Variants in NBPF10 observed in about 807,000 individuals in gnomAD.
NBPF10 encodes NBPF member 10.
NBPF10 carries 63 observed loss-of-function variants against 77.9 expected under a neutral mutation model. The observed-to-expected ratio is 0.81, with a 90% CI of 0.66 to 1.00. NBPF10 has a LOEUF of 1.00. Among genes scored for constraint, NBPF10 ranks in the 50% least tolerant of loss-of-function variants. The pLI is 0.00. For synonymous variants in NBPF10, 146 were observed against 264.5 expected (o/e 0.55, Z 4.35); for missense variants, 522 against 679.8 (o/e 0.77, Z 2.58).
intron 8 of NBPF10, 140 bp downstream of exon 8, chr1:146,135,167 A>G (rs377156096): frequency 4.3e-6 from 2 of 465,460 alleles, no homozygotes; most frequent in East Asian, 3.4e-5. Flanking sequence ...TTCTTACCCA[A>G]GAAGTCCTGG....
chr1:146,067,794 T>G lies in NBPF10; in HGVS notation c.11035+209A>C, dbSNP rs1482749611. 3.9e-5 allele frequency among the ~76,000 whole-genome samples: 6 copies of G among 151,930 alleles called. No homozygotes were observed. In the East Asian group the frequency reaches 1.2e-3, roughly 30 times the overall value. On this transcript the variant is annotated intron_variant, in intron 88 of 89. Transcript: ENST00000583866. Reference sequence around the variant, plus strand: ...GGATCAGGGCGCCACAGGTATGGCCTGAGACTAGGAAGAGAGTCTTGCTCA... The same window carrying G: ...GGATCAGGGCGCCACAGGTATGGCCGGAGACTAGGAAGAGAGTCTTGCTCA...
At chr1:146,080,997 A>C (rs1442253596) in intron 71 of NBPF10, among the ~76,000 whole-genome samples, 1 of 79,878 alleles carries the variant, frequency 1.3e-5, no homozygotes, top group Non-Finnish European at 3.4e-5. Flanking sequence ...ACACACACAC[A>C]CACACACACA....
Position 146,123,914 on chromosome 1 carries a change from A to G in NBPF10, c.2303+13T>C. 1 of 299,474 alleles carries G rather than the reference A, an allele frequency of 3.3e-6. No homozygotes were observed. The highest frequency in any genetic ancestry group is 2.3e-5 in the South Asian group (1 of 43,266). The allele number at this position is 299,474 out of a possible 1,614,324, so 18.6% of individuals were successfully genotyped here. A position where few individuals can be genotyped will look rare whatever the true frequency, so the allele number is the denominator to read the frequency against. On this transcript the variant is annotated intron_variant, in intron 17 of 89. Coordinates refer to ENST00000583866, the Ensembl canonical transcript of NBPF10. ...GTCAACACAGAAGTAGCTGTTCACA[A>G]TTGCTCAGTTACCTGGGGCATGGTG...
At chr1:146,129,361 T>C (rs1659055825) in intron 11 of NBPF10, among the ~76,000 whole-genome samples, 1 of 141,342 alleles carries the variant, frequency 7.1e-6, no homozygotes, top group Non-Finnish European at 1.5e-5. Context: ...CAAGCTTCAG[T>C]AGCCAATTCG....
chr1:146,126,623 AC>A (rs1658716676), intron 13 of NBPF10, among the ~76,000 whole-genome samples: 3 of 141,584 alleles, frequency 2.1e-5, no homozygotes, highest in Admixed American at 1.4e-4. Context: ...ACACACACAC[AC>A]ACACACACAC....
intron 11 of NBPF10, among the ~76,000 whole-genome samples, chr1:146,129,911 A>T (rs4058780): frequency 1.8e-3 from 170 of 94,658 alleles, no homozygotes; most frequent in Middle Eastern, 4.2e-3. Flanking sequence ...ATATATATAT[A>T]TTTTTTAATA....
At chr1:146,067,593 T>C (rs587639369) in intron 88 of NBPF10, among the ~76,000 whole-genome samples, 1 of 150,542 alleles carries the variant, frequency 6.6e-6, no homozygotes, top group African/African-American at 2.5e-5. Context: ...CCTCAATGAT[T>C]TCTAGGAGAA....
chr1:146,069,157 C>G lies in NBPF10; in HGVS notation c.10811-334G>C, dbSNP rs1484597061. Among the ~76,000 whole-genome samples, 2 of 78,084 alleles carry G rather than the reference C, an allele frequency of 2.6e-5. 1 individual carries two copies. The highest frequency in any genetic ancestry group is 5.1e-5 in the Non-Finnish European group (2 of 39,068). 51.2% of individuals were successfully genotyped at this position (78,084 alleles called of 152,430 possible). A position where few individuals can be genotyped will look rare whatever the true frequency, so the allele number is the denominator to read the frequency against. On this transcript the variant is annotated intron_variant, in intron 86 of 89. Coordinates refer to ENST00000583866, the Ensembl canonical transcript of NBPF10. ...AGGAGAAAAACTGCACTATTCAGCC[C>G]TGTCTCATCAAATACTCAGATTGTT...
In NBPF10 at chr1:146,126,148, C is replaced by T. The variant is rs587701861; in HGVS notation, c.2026+88G>A. On this transcript the variant is annotated intron_variant, in intron 14 of 89. Transcript: ENST00000583866. ...TCCTCCCTGTGGCAATGACATCTCT[C>T]AGCTCAGTAACGGCCACTTGCAGTA... 1.9e-5 allele frequency: 16 copies of T among 855,198 alleles called. 1 individual carries two copies. The highest frequency in any genetic ancestry group is 1.6e-4 in the South Asian group (12 of 74,092). The allele number at this position is 855,198 out of a possible 1,614,324, so 53.0% of individuals were successfully genotyped here. A position where few individuals can be genotyped will look rare whatever the true frequency, so the allele number is the denominator to read the frequency against.
chr1:146,138,889 A>G (rs1204179045), intron 5 of NBPF10, among the ~76,000 whole-genome samples: 6 of 143,900 alleles, frequency 4.2e-5, no homozygotes, highest in Admixed American at 3.5e-4. Flanking sequence ...GGTTCAAGCG[A>G]TTCTCATCCC....
intron 88 of NBPF10, among the ~76,000 whole-genome samples, chr1:146,067,497 C>A (rs587684825): frequency 6.9e-6 from 1 of 145,416 alleles, no homozygotes; most frequent in East Asian, 2.0e-4. Context: ...TGTCCCTATT[C>A]TAGTAGATCG....
At chr1:146,109,309 TAGAC>T (rs1267400586) in intron 35 of NBPF10, among the ~76,000 whole-genome samples, 195 bp from the exon 36 acceptor site, 1 of 88,984 alleles carries the variant, frequency 1.1e-5, no homozygotes, top group African/African-American at 3.9e-5. Context: ...GAAAGACAGA[TAGAC>T]ACACACACAC....
At chr1:146,123,577 G>T in intron 17 of NBPF10, among the ~76,000 whole-genome samples, 2 of 94,970 alleles carry the variant, frequency 2.1e-5, no homozygotes, top group Admixed American at 1.1e-4. Flanking sequence ...CACTGATGAG[G>T]GAGTAACAGG....
chr1:146,123,779 T>A, intron 17 of NBPF10, 148 bp downstream of exon 17: 1 of 277,492 alleles, frequency 3.6e-6, no homozygotes, highest in South Asian at 2.5e-5. Context: ...AAATATCTAC[T>A]GCAATGAAAA....
intron 88 of NBPF10, among the ~76,000 whole-genome samples, chr1:146,067,492 C>T (rs1201669455): frequency 6.9e-6 from 1 of 143,896 alleles, no homozygotes; most frequent in African/African-American, 2.6e-5. Context: ...TAAAATGTCC[C>T]TATTCTAGTA....
chr1:146,068,292 T>C (rs1553778741), intron 87 of NBPF10, 117 bp from the exon 88 acceptor site: 2 of 134,370 alleles, frequency 1.5e-5, no homozygotes, highest in Admixed American at 2.9e-4. Flanking sequence ...ACAGATCCGT[T>C]AATGAGGTAA....
chr1:146,066,957 G>C (rs587707398), intron 89 of NBPF10, among the ~76,000 whole-genome samples: 3 of 145,348 alleles, frequency 2.1e-5, no homozygotes, highest in Non-Finnish European at 4.6e-5. Flanking sequence ...GGCCATGAGA[G>C]TACAGCTTTT....
chr1:146,139,430 C>T (rs1480900167), intron 5 of NBPF10, among the ~76,000 whole-genome samples: 3 of 151,180 alleles, frequency 2.0e-5, no homozygotes, highest in Non-Finnish European at 4.4e-5. Context: ...ATAGCTAAGA[C>T]AAGCCAATGA....
intron 14 of NBPF10, among the ~76,000 whole-genome samples, chr1:146,125,906 T>C (rs1338020255): frequency 1.3e-5 from 2 of 151,264 alleles, no homozygotes; most frequent in Non-Finnish European, 3.0e-5. Flanking sequence ...ACGCTGAAAT[T>C]AGAGTAAAGG....
Sources: allele counts gnomAD v4.1 joint callset (sites outside exome capture counted in the v4.1 genomes callset), GRCh38; gene constraint gnomAD v4.1.1; transcripts MANE v1.5; gene names NCBI Gene and HGNC (gene_info 2026-07-23, HGNC 2026-07-21).